The following MVB12B variants were observed in gnomAD, a reference collection of about 807,000 sequenced individuals.
MVB12B encodes ESCRT-I complex subunit MVB12B.
In MVB12B, 16 loss-of-function variants were observed where a neutral mutation model predicts 41.6. The observed-to-expected ratio is 0.38, with a 90% CI of 0.26 to 0.58. The LOEUF is 0.58. Among genes scored for constraint, MVB12B ranks in the 20% least tolerant of loss-of-function variants. The probability of loss-of-function intolerance (pLI) is 0.62; values close to 1 mark genes in which losing one functional copy is unlikely to be tolerated. For missense variants in MVB12B, 274 were observed against 380.2 expected (o/e 0.72, Z 2.32); for synonymous variants, 133 against 139.7 (o/e 0.95, Z 0.34).
intron 9 of MVB12B, among the ~76,000 whole-genome samples, chr9:126,500,961 T>C (rs531056577): frequency 6.6e-6 from 1 of 152,350 alleles, no homozygotes; most frequent in South Asian, 2.1e-4. Context: ...CTCTGCTACC[T>C]TGGGAGTCCC....
chr9:126,497,019 G>C (rs1833850647), intron 9 of MVB12B, among the ~76,000 whole-genome samples: 1 of 152,220 alleles, frequency 6.6e-6, no homozygotes, highest in South Asian at 2.1e-4. Context: ...GAATGACTGG[G>C]ATGCGGACTA....
chr9:126,343,505 C>T (rs991922575), intron 2 of MVB12B, among the ~76,000 whole-genome samples: 5 of 152,220 alleles, frequency 3.3e-5, no homozygotes, highest in Non-Finnish European at 7.3e-5. Flanking sequence ...TTACAAGCCA[C>T]TCTGGGATGT....
At chr9:126,477,926 G>A (rs776906612) in intron 7 of MVB12B, among the ~76,000 whole-genome samples, 1 of 152,226 alleles carries the variant, frequency 6.6e-6, no homozygotes, top group Non-Finnish European at 1.5e-5. Context: ...AGAAAGCCAG[G>A]CTTACGGGAC....
chr9:126,374,213 C>T (rs1830418228), intron 2 of MVB12B, among the ~76,000 whole-genome samples: 1 of 152,224 alleles, frequency 6.6e-6, no homozygotes, highest in South Asian at 2.1e-4. Flanking sequence ...GTTACAGAGC[C>T]CCACTTTCTG....
In MVB12B at chr9:126,481,254, C is replaced by T. The variant is rs552749273; in HGVS notation, c.758-115C>T. On this transcript the variant is annotated intron_variant, in intron 7 of 9. Coordinates refer to ENST00000361171, the MANE Select transcript of MVB12B (RefSeq NM_033446.3). ...TCCAGCACATCTGTGCTGGATGTCA[C>T]CTGGCTCCATCCAGTGACGGATTCA... The T allele has an allele frequency of 7.2e-4, 651 of 899,906 alleles. 3 individuals carry two copies. The highest frequency in any genetic ancestry group is 9.4e-4 in the Non-Finnish European group (522 of 553,162). The allele number at this position is 899,906 out of a possible 1,614,324, so 55.7% of individuals were successfully genotyped here.
At chr9:126,338,536 TTCTTTTC>T (rs1282505955) in intron 1 of MVB12B, among the ~76,000 whole-genome samples, 3 of 152,068 alleles carry the variant, frequency 2.0e-5, no homozygotes, top group African/African-American at 7.2e-5. Flanking sequence ...CTTTGTCACT[TTCTTTTC>T]TCTCTCTCTG....
chr9:126,394,688 A>G (rs904899701), intron 5 of MVB12B, among the ~76,000 whole-genome samples: 1 of 152,206 alleles, frequency 6.6e-6, no homozygotes, highest in African/African-American at 2.4e-5. Context: ...AAATCAGTGC[A>G]GTTCATTGGA....
rs555074830 is a variant in MVB12B, at chr9:126,335,464, T to C, written c.82-5044T>C. On this transcript the variant is annotated intron_variant, in intron 1 of 9. Coordinates refer to ENST00000361171, the MANE Select transcript of MVB12B (RefSeq NM_033446.3). ...GCTGGGTTTGTGTGTGTGGTGTGCA[T>C]TGGTGAGGCCTGGCCACAGGTTCCC... 1.8e-4 allele frequency: 218 copies of C among 1,222,160 alleles called. 2 individuals carry two copies. Among genetic ancestry groups the C allele is most frequent in the East Asian group, 1.2e-3 (21 of 17,628 alleles). 75.7% of individuals were successfully genotyped at this position (1,222,160 alleles called of 1,614,324 possible). A position where few individuals can be genotyped will look rare whatever the true frequency, so the allele number is the denominator to read the frequency against.
chr9:126,500,576 G>T (rs1054245200), intron 9 of MVB12B, among the ~76,000 whole-genome samples: 1 of 152,188 alleles, frequency 6.6e-6, no homozygotes, highest in African/African-American at 2.4e-5. Context: ...CTCAGGCCTG[G>T]CCCCAGACCT....
At chr9:126,441,037 G>A (rs1036124589) in intron 7 of MVB12B, among the ~76,000 whole-genome samples, 2 of 152,218 alleles carry the variant, frequency 1.3e-5, no homozygotes, top group African/African-American at 2.4e-5. Flanking sequence ...ACTAGGCCTC[G>A]CTGGCTGTCA....
chr9:126,503,031 T>TGGCACCGGCCTGGCC, intron 9 of MVB12B, 146 bp from the exon 10 acceptor site: 2 of 735,816 alleles, frequency 2.7e-6, no homozygotes, highest in Non-Finnish European at 4.8e-6. Flanking sequence ...AGGCTCTGGC[T>TGGCACCGGCCTGGCC]GGCACCGGCC....
At chr9:126,479,308 A>T (rs1338231082) in intron 7 of MVB12B, among the ~76,000 whole-genome samples, 2 of 152,140 alleles carry the variant, frequency 1.3e-5, no homozygotes, top group East Asian at 3.8e-4. Flanking sequence ...TAGGAAGGGC[A>T]TGGAAGTCAG....
At chr9:126,407,390 C>G (rs1831469876) in intron 6 of MVB12B, among the ~76,000 whole-genome samples, 1 of 152,184 alleles carries the variant, frequency 6.6e-6, no homozygotes, top group South Asian at 2.1e-4. Flanking sequence ...AGTGGGAGCT[C>G]TGTGTGCTGG....
chr9:126,472,817 G>T (rs772017123), intron 7 of MVB12B, among the ~76,000 whole-genome samples: 6 of 152,090 alleles, frequency 3.9e-5, no homozygotes, highest in Non-Finnish European at 8.8e-5. Context: ...TTAATTACAG[G>T]CCTGCTTAAT....
chr9:126,398,690 G>A (rs957340005), intron 6 of MVB12B, among the ~76,000 whole-genome samples: 4 of 152,200 alleles, frequency 2.6e-5, no homozygotes, highest in Non-Finnish European at 4.4e-5. Context: ...TGGCGGTGGC[G>A]GGGAATGCGG....
intron 1 of MVB12B, among the ~76,000 whole-genome samples, chr9:126,328,221 C>G (rs555339616): frequency 2.0e-5 from 3 of 152,290 alleles, no homozygotes; most frequent in African/African-American, 7.2e-5. Context: ...TGCTCAGAAT[C>G]TTTAAATAGG....
chr9:126,502,543 C>G (rs1473565720), intron 9 of MVB12B, among the ~76,000 whole-genome samples: 2 of 152,142 alleles, frequency 1.3e-5, no homozygotes, highest in East Asian at 3.9e-4. Flanking sequence ...AAGGTCCCCC[C>G]ACCGGGCAGC....
intron 7 of MVB12B, among the ~76,000 whole-genome samples, chr9:126,447,249 C>CTTT (rs72294122): frequency 2.9e-4 from 40 of 140,124 alleles, no homozygotes; most frequent in Non-Finnish European, 4.8e-4. Context: ...CCCCAGCCAC[C>CTTT]TTTTTTTTTT....
Position 126,395,910 on chromosome 9 carries a change from G to A in MVB12B, c.662+213G>A, listed in dbSNP as rs1354801126. 46 of 1,365,466 alleles carry A rather than the reference G, an allele frequency of 3.4e-5. No homozygotes were observed. Among genetic ancestry groups the A allele is most frequent in the South Asian group, 5.3e-5 (3 of 56,078 alleles). 84.6% of individuals were successfully genotyped at this position (1,365,466 alleles called of 1,614,324 possible). ...GGCCATTCTATAGTCTATTTTGTGC[G>A]TGTTCTGCAGGCTTCTAAAATTGCA... On this transcript the variant is annotated intron_variant, in intron 6 of 9. Coordinates refer to ENST00000361171, the MANE Select transcript of MVB12B (RefSeq NM_033446.3). This position sits in a 1 kb window ranked among gnomAD's most constrained non-coding sequence, Gnocchi z 4.9.
Sources: allele counts gnomAD v4.1 joint callset (sites outside exome capture counted in the v4.1 genomes callset), GRCh38; gene constraint gnomAD v4.1.1; non-coding constraint Gnocchi (gnomAD v3.1); transcripts MANE v1.5; gene names NCBI Gene and HGNC (gene_info 2026-07-23, HGNC 2026-07-21).